Variants in ERBIN observed in about 807,000 individuals in gnomAD.
ERBIN encodes densin-180-like protein.
A neutral mutation model predicts 158.4 loss-of-function variants in ERBIN; 60 were observed. That is an observed-to-expected ratio of 0.38 (90% CI 0.31 to 0.47). The LOEUF (loss-of-function observed/expected upper bound fraction) is 0.47. Ranked by LOEUF, ERBIN falls within the 20% of genes least tolerant of loss-of-function variation. ERBIN has a pLI of 0.99. For missense variants in ERBIN, 1,610 were observed against 1,648.0 expected, an observed-to-expected ratio of 0.98 and a Z score of 0.40; for synonymous variants, 594 against 557.2, an observed-to-expected ratio of 1.07 and a Z score of -0.93.
At chr5:66,027,902 A>G (rs1017285596) in intron 13 of ERBIN, among the ~76,000 whole-genome samples, 4 of 152,008 alleles carry the variant, frequency 2.6e-5, no homozygotes, top group Non-Finnish European at 5.9e-5. Flanking sequence ...AGTGTTTCCT[A>G]TAACAGTTTG....
intron 17 of ERBIN, among the ~76,000 whole-genome samples, chr5:66,044,782 G>A (rs9764159): frequency 0.058 from 8,704 of 150,908 alleles, 871 homozygotes; most frequent in African/African-American, 0.2. Context: ...AAAAATAAGA[G>A]TATAAGGGAG....
chr5:65,998,940 T>C (rs1444654517), intron 4 of ERBIN, among the ~76,000 whole-genome samples: 1 of 148,084 alleles, frequency 6.8e-6, no homozygotes, highest in Non-Finnish European at 1.5e-5. Context: ...ATAAGAAACA[T>C]GTGTAAAAGG....
In ERBIN at chr5:65,928,726, C is replaced by T. The variant is rs191636691; in HGVS notation, c.-58+1920C>T. Among the ~76,000 whole-genome samples, 148 of 152,084 alleles carry T rather than the reference C, an allele frequency of 9.7e-4. 1 individual carries two copies. Among genetic ancestry groups the T allele is most frequent in the African/African-American group, 3.5e-3 (146 of 41,496 alleles). ...TTTCTCCTCAACAAGGCATAATTTA[C>T]TTCGTAGTTTTCTTGGAATTCTGTT... is the stretch of plus-strand genomic sequence containing the variant. On this transcript the variant is annotated intron_variant, in intron 1 of 25. Coordinates refer to ENST00000284037, the MANE Select transcript of ERBIN (RefSeq NM_001253697.2).
At chr5:66,038,595 G>C in intron 15 of ERBIN, 113 bp downstream of exon 15, 1 of 680,650 alleles carries the variant, frequency 1.5e-6, no homozygotes, top group Non-Finnish European at 2.4e-6. Context: ...TCAGAGAATT[G>C]ACCAAAACAG....
Position 66,023,384 on chromosome 5 carries a change from A to C in ERBIN, c.672+20A>C, listed in dbSNP as rs1755900001. On this transcript the variant is annotated intron_variant, in intron 9 of 25. Transcript: ENST00000284037. Reference sequence around the variant, plus strand: ...CCAGGGGTATGTATATGAGATTTTAAATGGCATCACTTATTTCTGGCTCTC... The same window carrying C: ...CCAGGGGTATGTATATGAGATTTTACATGGCATCACTTATTTCTGGCTCTC... 6.6e-7 allele frequency: 1 copy of C among 1,526,488 alleles called. No homozygotes were observed. Among genetic ancestry groups the C allele is most frequent in the South Asian group, 1.2e-5 (1 of 84,536 alleles). 94.6% of individuals were successfully genotyped at this position (1,526,488 alleles called of 1,614,324 possible). A position where few individuals can be genotyped will look rare whatever the true frequency, so the allele number is the denominator to read the frequency against.
chr5:66,006,258 T>C (rs1451454817), intron 4 of ERBIN, among the ~76,000 whole-genome samples: 1 of 152,158 alleles, frequency 6.6e-6, no homozygotes, highest in African/African-American at 2.4e-5. Flanking sequence ...AACTATCTGA[T>C]CTTTGACAAA....
intron 4 of ERBIN, among the ~76,000 whole-genome samples, chr5:66,011,097 T>C (rs998920312): frequency 6.6e-6 from 1 of 152,234 alleles, no homozygotes; most frequent in Non-Finnish European, 1.5e-5. Context: ...CTCTTGAATA[T>C]ATCTATCATA....
At chr5:65,991,658 T>C (rs924982309) in intron 2 of ERBIN, among the ~76,000 whole-genome samples, 1 of 152,230 alleles carries the variant, frequency 6.6e-6, no homozygotes, top group Non-Finnish European at 1.5e-5. Flanking sequence ...AATATAATCT[T>C]ACTTTGCTAA....
intron 1 of ERBIN, among the ~76,000 whole-genome samples, chr5:65,967,366 C>T (rs1748766903): frequency 2.6e-5 from 4 of 152,138 alleles, no homozygotes; most frequent in African/African-American, 9.7e-5. Flanking sequence ...TCCAGCCCTG[C>T]AAGCTCTATT....
chr5:66,023,126 G>T (rs1478527714), intron 8 of ERBIN, 164 bp from the exon 9 acceptor site: 5 of 574,506 alleles, frequency 8.7e-6, no homozygotes, highest in African/African-American at 5.8e-5. Context: ...CAGTAGAAAG[G>T]CTTACATCCT....
chr5:65,934,930 T>G (rs568365576), intron 1 of ERBIN, among the ~76,000 whole-genome samples: 1 of 152,308 alleles, frequency 6.6e-6, no homozygotes, highest in East Asian at 1.9e-4. Flanking sequence ...TCTTCCTTTT[T>G]TGAGTACTCC....
At chr5:66,013,171 A>G (rs1214777661) in intron 5 of ERBIN, among the ~76,000 whole-genome samples, 1 of 152,210 alleles carries the variant, frequency 6.6e-6, no homozygotes, top group Non-Finnish European at 1.5e-5. Context: ...TTCTCTGCCA[A>G]GGTTTAGAAA....
intron 1 of ERBIN, among the ~76,000 whole-genome samples, chr5:65,977,555 G>A (rs1445703114): frequency 6.6e-6 from 1 of 150,644 alleles, no homozygotes; most frequent in South Asian, 2.1e-4. Flanking sequence ...CATCTCAGAC[G>A]ATGGGCGGCC....
intron 1 of ERBIN, among the ~76,000 whole-genome samples, chr5:65,957,048 C>T (rs940051966): frequency 2.6e-5 from 4 of 152,234 alleles, no homozygotes; most frequent in Admixed American, 6.5e-5. Flanking sequence ...TATATTTAAC[C>T]AGTCACTACT....
intron 22 of ERBIN, among the ~76,000 whole-genome samples, chr5:66,074,012 G>C (rs920991328): frequency 6.6e-6 from 1 of 150,686 alleles, no homozygotes; most frequent in African/African-American, 2.4e-5. Context: ...CCAAGGAGCT[G>C]GGACTACAGG....
chr5:65,970,562 T>C (rs1749136086), intron 1 of ERBIN, among the ~76,000 whole-genome samples: 1 of 152,150 alleles, frequency 6.6e-6, no homozygotes, highest in African/African-American at 2.4e-5. Context: ...CCAGACTATT[T>C]GGTCTCCTTT....
In ERBIN at chr5:66,078,668, A is replaced by G. The variant is rs925832775; in HGVS notation, c.*138A>G. 14 of 636,406 alleles carry G rather than the reference A, an allele frequency of 2.2e-5. No homozygotes were observed. The highest frequency in any genetic ancestry group is 3.9e-5 in the Non-Finnish European group (14 of 360,998). The allele number at this position is 636,406 out of a possible 1,614,324, so 39.4% of individuals were successfully genotyped here. Reference sequence around the variant, plus strand: ...TTCAAATTTGTACATTAATGAAATAATGGAACTTGTGGTTAGAGGGAAAGA... The same window carrying G: ...TTCAAATTTGTACATTAATGAAATAGTGGAACTTGTGGTTAGAGGGAAAGA... On this transcript the variant is annotated 3_prime_UTR_variant, in exon 26 of 26. Coordinates refer to ENST00000284037, the MANE Select transcript of ERBIN (RefSeq NM_001253697.2).
intron 1 of ERBIN, among the ~76,000 whole-genome samples, chr5:65,965,324 C>T (rs1580181795): frequency 6.7e-6 from 1 of 148,394 alleles, no homozygotes; most frequent in East Asian, 2.1e-4. Flanking sequence ...TCTCTTTTGG[C>T]TGGATTGCTT....
chr5:66,033,837 G>A (rs1056537606), intron 14 of ERBIN, among the ~76,000 whole-genome samples: 10 of 152,090 alleles, frequency 6.6e-5, no homozygotes, highest in South Asian at 2.1e-4. Context: ...GGTCTGGTGC[G>A]GTGGTTCATG....
Sources: gnomAD v4.1 joint callset for allele counts (sites outside exome capture counted in the v4.1 genomes callset) on GRCh38, gnomAD v4.1.1 for gene constraint, MANE v1.5 for transcripts, NCBI Gene and HGNC (gene_info 2026-07-23, HGNC 2026-07-21) for gene names.